FKBP15: variants seen among roughly 807,000 people sequenced by gnomAD.
FKBP15 encodes FK506-binding protein 15.
Under a neutral mutation model 158.1 loss-of-function variants are expected in FKBP15, and 106 were observed. The observed-to-expected ratio is 0.67, with a 90% confidence interval of 0.57 to 0.79. The LOEUF is 0.79. Ranked by LOEUF, FKBP15 falls within the 30% of genes least tolerant of loss-of-function variation. The probability of loss-of-function intolerance (pLI) is 0.00; values close to 1 mark genes in which losing one functional copy is unlikely to be tolerated. For missense variants in FKBP15, 1,287 were observed against 1,479.1 expected, an observed-to-expected ratio of 0.87 and a Z score of 2.13; for synonymous variants, 547 against 548.6, an observed-to-expected ratio of 1.00 and a Z score of 0.04.
At chr9:113,172,183 CT>C (rs1830226206) in intron 23 of FKBP15, among the ~76,000 whole-genome samples, 2 of 152,094 alleles carry the variant, frequency 1.3e-5, no homozygotes, top group Admixed American at 6.5e-5. Flanking sequence ...TGAACTCATC[CT>C]TTTTTATGGC....
At position 113,162,928 on chromosome 9, in the gene FKBP15, A is replaced by C; in HGVS notation, c.*3150T>G. On this transcript the variant is annotated 3_prime_UTR_variant, in exon 28 of 28. Transcript: ENST00000238256. ...CTCAGCACAGCTTAGCTGGTGAGGA[A>C]CGTGCAGGCACTGAGGCTGGAGGGA... 1 of 1,589,882 alleles carries C rather than the reference A, an allele frequency of 6.3e-7. No homozygotes were observed. Among genetic ancestry groups the C allele is most frequent in the Non-Finnish European group, 8.6e-7 (1 of 1,167,940 alleles).
In FKBP15 at chr9:113,194,042, A is replaced by G. The variant is rs1830624839; in HGVS notation, c.992T>C (p.Ile331Thr). 6.2e-7 allele frequency: 1 copy of G among 1,612,710 alleles called. No homozygotes were observed. The highest frequency in any genetic ancestry group is 1.7e-5 in the Admixed American group (1 of 59,928). Residue 331 changes from isoleucine (I) to threonine (T), a missense_variant, in exon 10 of 28, where the codon ATA becomes ACA. By Grantham distance (89) the Ile-to-Thr change is moderately conservative. Transcript: ENST00000238256. ...ADPVVSPPTSIPFKSGEPALR... is the reference protein window; with the variant it reads ...ADPVVSPPTSTPFKSGEPALR... ...AGTATCTTACCCTGATTTGAAAGGT[A>G]TTGATGTGGGTGGTGACACAACAGG...
At position 113,193,520 on chromosome 9, in the gene FKBP15, G is replaced by T; in HGVS notation, c.1037C>A (p.Ser346Tyr). ...GEPALRTKSN[S>Y]LSEQLAINTS... ...ATTTATTGCAAGTTGTTCACTGAGG[G>T]AGTTAGATTTGGTACGAAGAGCTGG... Residue 346 changes from serine to tyrosine, a missense_variant, in exon 11 of 28, where the codon TCC becomes TAC. Ser to Tyr is a moderately radical substitution (Grantham distance 144). Transcript: ENST00000238256. 6.3e-7 allele frequency: 1 copy of T among 1,599,660 alleles called. No homozygotes were observed. The highest frequency in any genetic ancestry group is 1.1e-5 in the South Asian group (1 of 88,384).
In FKBP15 at chr9:113,161,333, A is replaced by G; in HGVS notation, c.*4745T>C. 1.6e-6 allele frequency: 1 copy of G among 634,432 alleles called. No homozygotes were observed. 39.3% of individuals were successfully genotyped at this position (634,432 alleles called of 1,614,324 possible). A position where few individuals can be genotyped will look rare whatever the true frequency, so the allele number is the denominator to read the frequency against. ...GGCTTCTCTTCCTGATCTCAAAGCC[A>G]CACTCCAGCTAAGAAAAGTCTGGTG... On this transcript the variant is annotated 3_prime_UTR_variant, in exon 28 of 28. Transcript: ENST00000238256.
chr9:113,183,113 T>A (rs900023379), intron 18 of FKBP15, among the ~76,000 whole-genome samples: 18 of 151,658 alleles, frequency 1.2e-4, no homozygotes, highest in African/African-American at 4.4e-4. Context: ...GAATGGTGTG[T>A]GATAATGGGA....
intron 9 of FKBP15, among the ~76,000 whole-genome samples, chr9:113,196,225 C>T (rs947699408): frequency 1.1e-4 from 16 of 151,942 alleles, no homozygotes; most frequent in African/African-American, 3.6e-4. Context: ...CAGAGGTAGT[C>T]GTAGTAAAAC....
intron 26 of FKBP15, 60 bp downstream of exon 26, chr9:113,169,164 A>G: frequency 6.5e-7 from 1 of 1,530,264 alleles, no homozygotes. Context: ...CCTGGAAAAA[A>G]CAGAGACACT....
rs780102689 is a variant in FKBP15, at chr9:113,190,567, T to A, written c.1077A>T (p.Ala359=). The A allele has an allele frequency of 1.9e-6, 3 of 1,609,346 alleles. No homozygotes were observed. The highest frequency in any genetic ancestry group is 2.5e-6 in the Non-Finnish European group (3 of 1,177,744). The part of the protein sequence containing the change: ...EQLAINTSPD[A]VKAKLISRMA... ...TCCGAGAGATCAACTTGGCTTTGACTGCATCGGGACTCTAAAAAGAGAGGA... is the reference window on the plus strand; with the variant it reads ...TCCGAGAGATCAACTTGGCTTTGACAGCATCGGGACTCTAAAAAGAGAGGA... The change falls in exon 12 of 28, where the codon GCA becomes GCT. Residue 359 remains alanine, a synonymous_variant. Coordinates refer to ENST00000238256, the MANE Select transcript of FKBP15 (RefSeq NM_015258.2).
intron 6 of FKBP15, among the ~76,000 whole-genome samples, chr9:113,201,042 C>CTAA (rs1830779890): frequency 1.0e-5 from 1 of 96,292 alleles, no homozygotes; most frequent in African/African-American, 4.1e-5. Context: ...GACTCTGTCT[C>CTAA]AAAAAAAAAA....
At chr9:113,218,548 T>C (rs1321751414) in intron 1 of FKBP15, among the ~76,000 whole-genome samples, 1 of 152,146 alleles carries the variant, frequency 6.6e-6, no homozygotes, top group Non-Finnish European at 1.5e-5. Flanking sequence ...CGTATTTATA[T>C]ACTTGTGAAC....
chr9:113,214,528 A>G (rs1179703578), intron 1 of FKBP15, among the ~76,000 whole-genome samples: 2 of 152,242 alleles, frequency 1.3e-5, no homozygotes, highest in Non-Finnish European at 2.9e-5. Context: ...ATGTGCTGTC[A>G]TCCAGGCTTT....
intron 1 of FKBP15, among the ~76,000 whole-genome samples, chr9:113,219,612 T>C (rs994611435): frequency 5.9e-5 from 9 of 152,200 alleles, no homozygotes; most frequent in African/African-American, 2.2e-4. Context: ...CTCAGATCCT[T>C]GAGAAGCCTG....
At chr9:113,199,454 A>G (rs963137753) in intron 7 of FKBP15, among the ~76,000 whole-genome samples, 1 of 152,246 alleles carries the variant, frequency 6.6e-6, no homozygotes, top group Non-Finnish European at 1.5e-5. Flanking sequence ...AGTATCTACT[A>G]TAAGAAAAAC....
At position 113,165,829 on chromosome 9, in the gene FKBP15, C is replaced by G. The variant is rs186255126; in HGVS notation, c.*249G>C. 27 of 421,190 alleles carry G rather than the reference C, an allele frequency of 6.4e-5. No individual in the cohort carries two copies. In the Admixed American group the frequency reaches 9.3e-4, roughly 14 times the overall value. The allele number at this position is 421,190 out of a possible 1,614,324, so 26.1% of individuals were successfully genotyped here. On this transcript the variant is annotated 3_prime_UTR_variant, in exon 28 of 28. Coordinates refer to ENST00000238256, the MANE Select transcript of FKBP15 (RefSeq NM_015258.2). Reference sequence around the variant, plus strand: ...TACAGGTGACTGGCTTGGAGGGGAACCTACCAGTCCTTCTTCCAACTTGCT... The same window carrying G: ...TACAGGTGACTGGCTTGGAGGGGAAGCTACCAGTCCTTCTTCCAACTTGCT...
chr9:113,219,790 C>G (rs181419436), intron 1 of FKBP15, among the ~76,000 whole-genome samples: 1 of 152,214 alleles, frequency 6.6e-6, no homozygotes, highest in East Asian at 1.9e-4. Context: ...AATACTTTCA[C>G]ATAGTGAAGA....
rs1831007083 is a variant in FKBP15 at position 113,211,587 on chromosome 9, C to G, written c.59G>C (p.Arg20Thr). 2 of 1,595,902 alleles carry G rather than the reference C, an allele frequency of 1.3e-6. No individual in the cohort carries two copies. The highest frequency in any genetic ancestry group is 2.3e-5 in the South Asian group (2 of 87,906). ...TDFLSPSGGA[R>T]LASLFGLDQA... ...ATCCAGTCCAAAAAGTGAGGCCAATCTGGCACTGTTAGTAGAAAATGAAAA... is the reference window on the plus strand; with the variant it reads ...ATCCAGTCCAAAAAGTGAGGCCAATGTGGCACTGTTAGTAGAAAATGAAAA... Residue 20 changes from arginine (R) to threonine (T), a missense_variant, in exon 2 of 28, where the codon AGA (arginine) becomes ACA (threonine). Coordinates refer to ENST00000238256, the MANE Select transcript of FKBP15 (RefSeq NM_015258.2).
At chr9:113,193,623 G>T in intron 10 of FKBP15, 74 bp from the exon 11 acceptor site, 1 of 1,258,558 alleles carries the variant, frequency 7.9e-7, no homozygotes, top group Non-Finnish European at 1.1e-6. Flanking sequence ...TATTGGATAA[G>T]CAAATTGTTT....
chr9:113,196,524 C>A (rs1277358400), intron 9 of FKBP15, among the ~76,000 whole-genome samples: 1 of 152,054 alleles, frequency 6.6e-6, no homozygotes, highest in Non-Finnish European at 1.5e-5. Context: ...GCTGGGACTA[C>A]AGGCGCATGC....
chr9:113,197,045 CT>C lies in FKBP15; in HGVS notation c.750del (p.Gly251GlufsTer19), dbSNP rs773862780. 6.2e-7 allele frequency: 1 copy of C among 1,613,824 alleles called. No individual in the cohort carries two copies. Among genetic ancestry groups the C allele is most frequent in the Non-Finnish European group, 8.5e-7 (1 of 1,179,762 alleles). ...GWEDGMLGMK[K>X]GGKRLLIVPP... Reference sequence around the variant, plus strand: ...GGGACAATAAGCAATCGCTTTCCTCCTTTTTTCATGCCCAGCATTCCATCCT... The same window carrying C: ...GGGACAATAAGCAATCGCTTTCCTCCTTTTTCATGCCCAGCATTCCATCCT... On this transcript the variant is annotated frameshift_variant, in exon 9 of 28. Coordinates refer to ENST00000238256, the MANE Select transcript of FKBP15 (RefSeq NM_015258.2). LOFTEE classifies it high-confidence loss of function.
Sources: allele counts gnomAD v4.1 joint callset (sites outside exome capture counted in the v4.1 genomes callset), GRCh38; gene constraint gnomAD v4.1.1; transcripts MANE v1.5; gene names NCBI Gene and HGNC (gene_info 2026-07-23, HGNC 2026-07-21).